The following LNPEP variants were observed in gnomAD, a reference collection of about 807,000 sequenced individuals.
LNPEP encodes the protein leucyl-cystinyl aminopeptidase.
LNPEP carries 64 observed loss-of-function variants against 120.6 expected under a neutral mutation model. That is an observed-to-expected ratio of 0.53 (90% CI 0.43 to 0.65). The LOEUF (loss-of-function observed/expected upper bound fraction) is 0.65, where lower values mean the gene tolerates loss of function less well. Among genes scored for constraint, LNPEP ranks in the 30% least tolerant of loss-of-function variants. The pLI is 0.00. For synonymous variants in LNPEP, 435 were observed against 425.4 expected (o/e 1.02, Z -0.28); for missense variants, 1,057 against 1,200.0 (o/e 0.88, Z 1.76).
chr5:96,982,565 G>T (rs776022534), intron 2 of LNPEP, among the ~76,000 whole-genome samples: 1 of 152,166 alleles, frequency 6.6e-6, no homozygotes. Context: ...GGTCTCTCTT[G>T]TATGAATAGT....
intron 2 of LNPEP, among the ~76,000 whole-genome samples, chr5:96,980,182 A>AG (rs1325490825): frequency 6.6e-6 from 1 of 152,098 alleles, no homozygotes; most frequent in East Asian, 1.9e-4. Context: ...GGGTGGAGAT[A>AG]GGGGTGTGCT....
chr5:96,993,080 G>A lies in LNPEP; in HGVS notation c.1197G>A (p.Lys399=). Reference sequence around the variant, plus strand: ...ATTATGCCTTGGAAACAACTGTGAAGCTTCTTGAGTTTTTTCAAAACTACT... The same window carrying A: ...ATTATGCCTTGGAAACAACTGTGAAACTTCTTGAGTTTTTTCAAAACTACT... ...QVHYALETTV[K]LLEFFQNYFE... The change falls in exon 5 of 18, where the codon AAG becomes AAA. Residue 399 remains lysine (K), a synonymous_variant. Coordinates refer to ENST00000231368, the MANE Select transcript of LNPEP (RefSeq NM_005575.3). 1 of 1,599,572 alleles carries A rather than the reference G, an allele frequency of 6.3e-7. No homozygotes were observed. The highest frequency in any genetic ancestry group is 1.1e-5 in the South Asian group (1 of 89,824).
At chr5:96,999,748 A>G (rs563933117) in intron 8 of LNPEP, among the ~76,000 whole-genome samples, 1 of 152,134 alleles carries the variant, frequency 6.6e-6, no homozygotes, top group African/African-American at 2.4e-5. Context: ...TAGTTTCCAT[A>G]TCATTGTCAA....
chr5:96,982,728 T>A (rs1790154535), intron 2 of LNPEP, among the ~76,000 whole-genome samples: 1 of 152,198 alleles, frequency 6.6e-6, no homozygotes, highest in African/African-American at 2.4e-5. Context: ...TTGCTACCTT[T>A]CTTGCAGTTT....
chr5:96,948,991 T>C (rs1314040351), intron 1 of LNPEP, among the ~76,000 whole-genome samples: 1 of 152,238 alleles, frequency 6.6e-6, no homozygotes, highest in East Asian at 1.9e-4. Flanking sequence ...ACCTAAAATG[T>C]ACATTCAAAA....
intron 9 of LNPEP, among the ~76,000 whole-genome samples, chr5:97,004,523 AAAAG>A (rs1021216498): frequency 4.6e-5 from 7 of 152,136 alleles, no homozygotes; most frequent in South Asian, 2.1e-4. Flanking sequence ...AAAAAAAAAA[AAAAG>A]AAAGAAAGAT....
chr5:96,983,102 T>G (rs1301243686), intron 2 of LNPEP, among the ~76,000 whole-genome samples: 1 of 152,202 alleles, frequency 6.6e-6, no homozygotes, highest in African/African-American at 2.4e-5. Flanking sequence ...GACATTGAGA[T>G]GTATGAGATG....
chr5:96,968,844 T>C (rs1159292031), intron 1 of LNPEP, among the ~76,000 whole-genome samples: 1 of 152,090 alleles, frequency 6.6e-6, no homozygotes, highest in Non-Finnish European at 1.5e-5. Flanking sequence ...TGGTCTCACA[T>C]GCTGTTCAGA....
At chr5:96,957,366 A>G (rs749098803) in intron 1 of LNPEP, among the ~76,000 whole-genome samples, 2 of 152,200 alleles carry the variant, frequency 1.3e-5, no homozygotes, top group Non-Finnish European at 1.5e-5. Flanking sequence ...AGGCAGAATA[A>G]TGGTCTCCAA....
chr5:97,026,305 C>A (rs1791337507), intron 15 of LNPEP, among the ~76,000 whole-genome samples: 1 of 151,804 alleles, frequency 6.6e-6, no homozygotes, highest in South Asian at 2.1e-4. Context: ...AAGGTTTTTA[C>A]CAGAAAAAAA....
At chr5:96,992,882 A>G (rs369476775) in intron 4 of LNPEP, 133 bp from the exon 5 acceptor site, 7 of 592,328 alleles carry the variant, frequency 1.2e-5, no homozygotes, top group African/African-American at 1.1e-4. Flanking sequence ...AACCATAAGC[A>G]AGTGTTTCTA....
At chr5:96,939,106 TA>T (rs1345511083) in intron 1 of LNPEP, among the ~76,000 whole-genome samples, 1 of 152,100 alleles carries the variant, frequency 6.6e-6, no homozygotes, top group East Asian at 1.9e-4. Flanking sequence ...GTATATTTTG[TA>T]AAAACTTAAA....
At chr5:96,956,299 T>A (rs1789464313) in intron 1 of LNPEP, among the ~76,000 whole-genome samples, 1 of 152,232 alleles carries the variant, frequency 6.6e-6, no homozygotes, top group South Asian at 2.1e-4. Flanking sequence ...AGAGTTTTTT[T>A]TATTAAGAAA....
chr5:96,957,356 A>G lies in LNPEP; in HGVS notation c.19+21182A>G, dbSNP rs1789494292. ...TTAGTTCTCCTAGCCTTTGTATGGTAGGCAGAATAATGGTCTCCAAAGATG... is the reference window on the plus strand; with the variant it reads ...TTAGTTCTCCTAGCCTTTGTATGGTGGGCAGAATAATGGTCTCCAAAGATG... On this transcript the variant is annotated intron_variant, in intron 1 of 17. Transcript: ENST00000231368. 2.0e-5 allele frequency among the ~76,000 whole-genome samples: 3 copies of G among 152,232 alleles called. No individual in the cohort carries two copies. In the South Asian group the frequency reaches 6.2e-4, roughly 31 times the overall value.
At chr5:96,962,159 C>A (rs1373533205) in intron 1 of LNPEP, among the ~76,000 whole-genome samples, 2 of 152,146 alleles carry the variant, frequency 1.3e-5, no homozygotes, top group Admixed American at 1.3e-4. Flanking sequence ...TCTGTGACCC[C>A]CCAGCCTTCT....
chr5:96,993,470 C>T (rs567497186), intron 5 of LNPEP, among the ~76,000 whole-genome samples: 12 of 152,240 alleles, frequency 7.9e-5, no homozygotes, highest in African/African-American at 2.9e-4. Context: ...CTCAGGAAAG[C>T]AAGAACATTT....
intron 1 of LNPEP, among the ~76,000 whole-genome samples, chr5:96,944,518 A>AGGT (rs1789135999): frequency 7.1e-6 from 1 of 141,146 alleles, no homozygotes; most frequent in East Asian, 2.3e-4. Context: ...TCCAGTTCAT[A>AGGT]GGTGGATTCA....
intron 8 of LNPEP, among the ~76,000 whole-genome samples, chr5:97,000,210 A>G (rs1404032849): frequency 1.3e-5 from 2 of 152,232 alleles, no homozygotes; most frequent in African/African-American, 4.8e-5. Flanking sequence ...GGTGTTTATA[A>G]TATAATGTGG....
chr5:97,012,865 C>T (rs184477557), intron 11 of LNPEP, among the ~76,000 whole-genome samples: 1 of 152,190 alleles, frequency 6.6e-6, no homozygotes, highest in East Asian at 1.9e-4. Flanking sequence ...TGTTTTAACC[C>T]AATTATTTCT....
Sources: allele counts gnomAD v4.1 joint callset (sites outside exome capture counted in the v4.1 genomes callset), GRCh38; gene constraint gnomAD v4.1.1; transcripts MANE v1.5; gene names NCBI Gene and HGNC (gene_info 2026-07-23, HGNC 2026-07-21).